Variants in AOPEP observed in about 807,000 individuals in gnomAD.
The protein encoded by AOPEP is aminopeptidase O (putative), also known as aminopeptidase O.
A neutral mutation model predicts 98.1 loss-of-function variants in AOPEP; 77 were observed. The observed-to-expected ratio is 0.78, with a 90% confidence interval of 0.65 to 0.95. The LOEUF (loss-of-function observed/expected upper bound fraction) is 0.95. Among genes scored for constraint, AOPEP ranks in the 40% least tolerant of loss-of-function variants. The probability of loss-of-function intolerance (pLI) is 0.00; values close to 1 mark genes in which losing one functional copy is unlikely to be tolerated. For missense variants in AOPEP, 1,024 were observed against 1,024.7 expected, an observed-to-expected ratio of 1.00 and a Z score of 0.01; for synonymous variants, 346 against 365.3, an observed-to-expected ratio of 0.95 and a Z score of 0.60.
chr9:94,823,587 T>G (rs1479762993), intron 5 of AOPEP, among the ~76,000 whole-genome samples: 1 of 152,178 alleles, frequency 6.6e-6, no homozygotes, highest in Non-Finnish European at 1.5e-5. Flanking sequence ...CTTTTAGGTG[T>G]CCACTGCCCT....
chr9:94,803,773 A>G (rs1848670429), intron 5 of AOPEP, among the ~76,000 whole-genome samples: 1 of 152,168 alleles, frequency 6.6e-6, no homozygotes, highest in African/African-American at 2.4e-5. Flanking sequence ...TCCTTTTCCA[A>G]ATCACTGTTC....
intron 14 of AOPEP, among the ~76,000 whole-genome samples, chr9:95,073,846 A>G (rs1041184513): frequency 1.3e-5 from 2 of 152,216 alleles, no homozygotes; most frequent in African/African-American, 4.8e-5. Flanking sequence ...CAACAAAGTG[A>G]GACTCGGTCT....
chr9:95,028,446 G>A (rs538274145), intron 13 of AOPEP, among the ~76,000 whole-genome samples: 1 of 152,308 alleles, frequency 6.6e-6, no homozygotes, highest in African/African-American at 2.4e-5. Flanking sequence ...CAGCCTTCAG[G>A]TGCCAGCTGG....
At chr9:95,100,328 G>C in the AOPEP span, 32 of 232,324 alleles carry the variant, frequency 1.4e-4, no homozygotes, top group East Asian at 1.9e-3. Flanking sequence ...CAGAAGAAAG[G>C]CTCAGGTGAA....
At chr9:94,942,190 G>T (rs2057082352) in intron 7 of AOPEP, among the ~76,000 whole-genome samples, 1 of 152,124 alleles carries the variant, frequency 6.6e-6, no homozygotes, top group South Asian at 2.1e-4. Flanking sequence ...TATGCACTCA[G>T]CCAGTAGGAA....
At chr9:95,034,914 A>C (rs2064651242) in intron 13 of AOPEP, among the ~76,000 whole-genome samples, 1 of 152,144 alleles carries the variant, frequency 6.6e-6, no homozygotes, top group South Asian at 2.1e-4. Flanking sequence ...AGAAGTGGGA[A>C]GACATCCAAT....
the AOPEP span, among the ~76,000 whole-genome samples, chr9:95,094,244 A>C: frequency 6.6e-6 from 1 of 152,194 alleles, no homozygotes; most frequent in Admixed American, 6.5e-5. Flanking sequence ...TGCAGTCTGC[A>C]GTGGAGGGAG....
the AOPEP span, among the ~76,000 whole-genome samples, chr9:95,134,572 G>C: frequency 1.3e-5 from 2 of 152,232 alleles, no homozygotes; most frequent in East Asian, 1.9e-4. Context: ...GAGTTCACTG[G>C]AGCTCCTGGA....
intron 5 of AOPEP, among the ~76,000 whole-genome samples, chr9:94,831,261 T>C (rs930571028): frequency 1.3e-5 from 2 of 152,230 alleles, no homozygotes; most frequent in African/African-American, 4.8e-5. Context: ...CAGTTTCAAT[T>C]TTCTGCATAT....
intron 5 of AOPEP, among the ~76,000 whole-genome samples, chr9:94,849,101 A>G (rs2043212170): frequency 6.6e-6 from 1 of 152,248 alleles, no homozygotes; most frequent in African/African-American, 2.4e-5. Context: ...TTTAAGAGGC[A>G]TCCTGAGTTC....
At chr9:95,093,103 G>A in the AOPEP span, among the ~76,000 whole-genome samples, 2 of 152,212 alleles carry the variant, frequency 1.3e-5, no homozygotes, top group Admixed American at 1.3e-4. Flanking sequence ...GATAATTTAT[G>A]GGGAAGGAGC....
intron 5 of AOPEP, among the ~76,000 whole-genome samples, chr9:94,820,748 A>G (rs1370576831): frequency 6.6e-6 from 1 of 152,236 alleles, no homozygotes; most frequent in Non-Finnish European, 1.5e-5. Flanking sequence ...GTGGAACCAC[A>G]TGCAATTTCT....
At chr9:95,043,372 A>C (rs1324617259) in intron 13 of AOPEP, among the ~76,000 whole-genome samples, 2 of 151,884 alleles carry the variant, frequency 1.3e-5, no homozygotes, top group African/African-American at 4.8e-5. Flanking sequence ...TTTCTGTTAC[A>C]CTGTAATAGC....
At chr9:95,093,915 A>G in the AOPEP span, among the ~76,000 whole-genome samples, 1 of 152,032 alleles carries the variant, frequency 6.6e-6, no homozygotes, top group Non-Finnish European at 1.5e-5. Flanking sequence ...CTGTGTTTGC[A>G]TTTCCTCCTC....
At chr9:95,119,948 G>A in the AOPEP span, among the ~76,000 whole-genome samples, 1 of 152,124 alleles carries the variant, frequency 6.6e-6, no homozygotes, top group African/African-American at 2.4e-5. Flanking sequence ...CTGGGCTCAA[G>A]AGATCCTCCT....
At chr9:94,913,862 A>C (rs955040690) in intron 5 of AOPEP, among the ~76,000 whole-genome samples, 3 of 152,362 alleles carry the variant, frequency 2.0e-5, no homozygotes, top group African/African-American at 4.8e-5. Flanking sequence ...ATAAGCCATT[A>C]GTGGCTAGTA....
intron 7 of AOPEP, among the ~76,000 whole-genome samples, chr9:94,929,315 A>G (rs1331045931): frequency 2.0e-5 from 3 of 152,214 alleles, no homozygotes; most frequent in Non-Finnish European, 2.9e-5. Context: ...CTGAAGGCCC[A>G]TCTACTTTCC....
chr9:94,803,445 T>G (rs1368862957), intron 5 of AOPEP, among the ~76,000 whole-genome samples: 1 of 152,204 alleles, frequency 6.6e-6, no homozygotes, highest in African/African-American at 2.4e-5. Flanking sequence ...TTAGATAATA[T>G]AATGATTTCA....
chr9:94,989,066 C>T (rs1179956556), intron 11 of AOPEP, among the ~76,000 whole-genome samples: 4 of 151,480 alleles, frequency 2.6e-5, no homozygotes, highest in Middle Eastern at 6.8e-3. Context: ...TACAGGTGCA[C>T]GACACCACAC....
Sources: allele counts gnomAD v4.1 joint callset (sites outside exome capture counted in the v4.1 genomes callset), GRCh38; gene constraint gnomAD v4.1.1; transcripts MANE v1.5; gene names NCBI Gene and HGNC (gene_info 2026-07-23, HGNC 2026-07-21).